The following VDR variants were observed in gnomAD, a reference collection of about 807,000 sequenced individuals.
VDR encodes vitamin D3 receptor.
In VDR, 19 loss-of-function variants were observed where a neutral mutation model predicts 39.7. The ratio of observed to expected loss-of-function variants is 0.48; its 90% CI spans 0.33 to 0.70. The LOEUF (loss-of-function observed/expected upper bound fraction) is 0.70, where lower values mean the gene tolerates loss of function less well. Ranked by LOEUF, VDR falls within the 30% of genes least tolerant of loss-of-function variation. The pLI, the probability that VDR is intolerant of heterozygous loss-of-function variation, is 0.02. For missense variants in VDR, 442 were observed against 570.5 expected (o/e 0.77, Z 2.29); for synonymous variants, 242 against 215.8 (o/e 1.12, Z -1.07).
rs10653597 is a variant in VDR at position 47,866,997 on chromosome 12, A to AAAAACAAAAC, written c.147-1830_147-1821dup. 2.6e-3 allele frequency among the ~76,000 whole-genome samples: 394 copies of AAAAACAAAAC among 150,032 alleles called. 4 individuals are homozygous for AAAAACAAAAC. Among genetic ancestry groups the AAAAACAAAAC allele is most frequent in the African/African-American group, 8.2e-3 (335 of 40,614 alleles). ...GGCAACAGAGCAAGACCCTGTCTCA[A>AAAAACAAAAC]AAAACAAAACAAAACAAAACAAAAA... On this transcript the variant is annotated intron_variant, in intron 3 of 9. Transcript: ENST00000549336.
chr12:47,877,230 T>C (rs1442347317), intron 3 of VDR, among the ~76,000 whole-genome samples: 1 of 151,918 alleles, frequency 6.6e-6, no homozygotes, highest in Non-Finnish European at 1.5e-5. Flanking sequence ...TACAAAAAAA[T>C]CACACAAACA....
At chr12:47,902,523 C>T (rs531793434) in intron 1 of VDR, among the ~76,000 whole-genome samples, 1 of 152,216 alleles carries the variant, frequency 6.6e-6, no homozygotes, top group Non-Finnish European at 1.5e-5. Context: ...ACACAAGAGG[C>T]TCTTAATCAA....
chr12:47,871,284 TTC>T (rs1565622548), intron 3 of VDR, among the ~76,000 whole-genome samples: 12 of 141,804 alleles, frequency 8.5e-5, no homozygotes, highest in African/African-American at 2.5e-4. Flanking sequence ...TTCTCTTTCT[TTC>T]TCTTTCTCTT....
chr12:47,885,494 T>G (rs1169706641), intron 1 of VDR, among the ~76,000 whole-genome samples: 1 of 152,224 alleles, frequency 6.6e-6, no homozygotes. Flanking sequence ...AATTGCCAGG[T>G]GTCCTGGGCA....
intron 1 of VDR, among the ~76,000 whole-genome samples, chr12:47,890,127 G>A (rs932910268): frequency 1.3e-5 from 2 of 151,850 alleles, no homozygotes; most frequent in African/African-American, 4.8e-5. Context: ...GACACATTTG[G>A]ACAGGACCAA....
intron 1 of VDR, among the ~76,000 whole-genome samples, chr12:47,900,620 T>C (rs1485451175): frequency 6.6e-6 from 1 of 152,178 alleles, no homozygotes; most frequent in Admixed American, 6.5e-5. Context: ...TGTTACCAAG[T>C]GAGTGCTCAG....
At chr12:47,864,486 G>A (rs1307237512) in intron 4 of VDR, among the ~76,000 whole-genome samples, 1 of 152,202 alleles carries the variant, frequency 6.6e-6, no homozygotes, top group Non-Finnish European at 1.5e-5. Flanking sequence ...TCTCTCCCTG[G>A]CACAAGCCCT....
At chr12:47,900,198 C>A (rs1946534334) in intron 1 of VDR, among the ~76,000 whole-genome samples, 1 of 152,306 alleles carries the variant, frequency 6.6e-6, no homozygotes, top group East Asian at 1.9e-4. Context: ...GCCAGAGAGG[C>A]ATGAAGATCT....
chr12:47,865,889 G>A (rs997408320), intron 3 of VDR, among the ~76,000 whole-genome samples: 1 of 147,992 alleles, frequency 6.8e-6, no homozygotes, highest in Admixed American at 6.8e-5. Context: ...ATTTTTTTTT[G>A]TATTTTTAGT....
At chr12:47,874,227 G>T (rs1056344046) in intron 3 of VDR, among the ~76,000 whole-genome samples, 1 of 152,088 alleles carries the variant, frequency 6.6e-6, no homozygotes, top group African/African-American at 2.4e-5. Flanking sequence ...TCTGTGAATG[G>T]AGGTCAGCTG....
At chr12:47,904,216 A>G (rs998910624) in intron 1 of VDR, among the ~76,000 whole-genome samples, 8 of 151,952 alleles carry the variant, frequency 5.3e-5, no homozygotes, top group Non-Finnish European at 8.8e-5. Context: ...CCCTGGGTGA[A>G]GAGAAGGAGG....
At chr12:47,857,435 C>T in intron 5 of VDR, 69 bp downstream of exon 5, 1 of 1,611,076 alleles carries the variant, frequency 6.2e-7, no homozygotes, top group Non-Finnish European at 8.5e-7. Flanking sequence ...TCTGTCCCTA[C>T]TCCCTGGGCC....
rs11168277 is a variant in VDR at position 47,879,277 on chromosome 12, A to G, written c.-2-162T>C. Among the ~76,000 whole-genome samples, 5,653 of 146,468 alleles carry G rather than the reference A, an allele frequency of 0.039. 338 individuals carry two copies. The highest frequency in any genetic ancestry group is 0.13 in the African/African-American group (5,365 of 40,078). On this transcript the variant is annotated intron_variant, in intron 2 of 9. Transcript: ENST00000549336. ...ATCTCCCCAGGGCCCAGGCCTGAGC[A>G]CAGTGCCTTCGGAGCCCTCATACAT...
chr12:47,877,563 A>G (rs1384195953), intron 3 of VDR, among the ~76,000 whole-genome samples: 14 of 152,142 alleles, frequency 9.2e-5, no homozygotes, highest in Admixed American at 8.5e-4. Flanking sequence ...ACCCCAGACC[A>G]TGCCTTTCTG....
chr12:47,888,458 G>A (rs1383401111), intron 1 of VDR, among the ~76,000 whole-genome samples: 2 of 152,206 alleles, frequency 1.3e-5, no homozygotes, highest in South Asian at 2.1e-4. Flanking sequence ...GAGGCCTCAG[G>A]CAGTGGAGCA....
At chr12:47,869,056 C>T (rs571342874) in intron 3 of VDR, among the ~76,000 whole-genome samples, 1 of 152,362 alleles carries the variant, frequency 6.6e-6, no homozygotes, top group South Asian at 2.1e-4. Flanking sequence ...CTGCCTTTGA[C>T]CCTCACTTGG....
At chr12:47,871,292 C>CTCTCTCTCTCTT (rs1555153492) in intron 3 of VDR, among the ~76,000 whole-genome samples, 1 of 79,854 alleles carries the variant, frequency 1.3e-5, no homozygotes, top group African/African-American at 4.6e-5. Context: ...CTTTCTCTTT[C>CTCTCTCTCTCTT]TCTTTCTTTC....
intron 1 of VDR, among the ~76,000 whole-genome samples, chr12:47,885,089 T>A (rs1271824480): frequency 6.6e-6 from 1 of 152,298 alleles, no homozygotes; most frequent in East Asian, 1.9e-4. Flanking sequence ...CAGCAATTCA[T>A]GTTCTGAGTA....
chr12:47,879,253 T>A, intron 2 of VDR, 138 bp from the exon 3 acceptor site: 1 of 1,047,034 alleles, frequency 9.6e-7, no homozygotes, highest in African/African-American at 1.9e-5. Context: ...AGGGTGGGCA[T>A]CTCCCCAGGG....
Sources: gnomAD v4.1 joint callset for allele counts (sites outside exome capture counted in the v4.1 genomes callset) on GRCh38, gnomAD v4.1.1 for gene constraint, MANE v1.5 for transcripts, NCBI Gene and HGNC (gene_info 2026-07-23, HGNC 2026-07-21) for gene names.